ANO4: variants seen among roughly 807,000 people sequenced by gnomAD.
ANO4 encodes anoctamin-4.
In ANO4, 69 loss-of-function variants were observed where a neutral mutation model predicts 141.9. The observed-to-expected ratio is 0.49, with a 90% CI of 0.40 to 0.59. The LOEUF is 0.59. Among genes scored for constraint, ANO4 ranks in the 20% least tolerant of loss-of-function variants. The pLI is 0.00. For missense variants in ANO4, 894 were observed against 1,162.2 expected, an observed-to-expected ratio of 0.77 and a Z score of 3.36; for synonymous variants, 350 against 394.3, an observed-to-expected ratio of 0.89 and a Z score of 1.33.
chr12:100,727,460 C>T (rs1002408377), intron 1 of ANO4, among the ~76,000 whole-genome samples: 2 of 152,082 alleles, frequency 1.3e-5, no homozygotes, highest in African/African-American at 4.8e-5. Flanking sequence ...TGTCTTAAAG[C>T]CTTTTTCCTA....
chr12:100,894,463 G>A lies in ANO4; in HGVS notation c.-140-7183G>A, dbSNP rs368764767. Among the ~76,000 whole-genome samples the A allele has an allele frequency of 2.7e-4, 41 of 152,118 alleles. No homozygotes were observed. The South Asian group carries it at 6.9e-3, about 25-fold the overall frequency. On this transcript the variant is annotated intron_variant, in intron 1 of 27. Transcript: ENST00000392977. The stretch of plus-strand genomic sequence containing the variant: ...CTACTTTCAGTTACCCACCAATTCT[G>A]ATGCTCAAAGCCCCTCCAAACCTGT...
At position 100,928,178 on chromosome 12, in the gene ANO4, C is replaced by T. The variant is rs774275835; in HGVS notation, c.160+5848C>T. Among the ~76,000 whole-genome samples the T allele has an allele frequency of 1.8e-3, 208 of 117,690 alleles. 1 individual carries two copies. Among genetic ancestry groups the T allele is most frequent in the African/African-American group, 5.7e-3 (192 of 33,456 alleles). The allele number at this position is 117,690 out of a possible 152,430, so 77.2% of individuals were successfully genotyped here. ...GCAGGGTATGGGGTATGGGGGTGAG[C>T]GGGGCCGGGGGGGCTGGCATATATT... On this transcript the variant is annotated intron_variant, in intron 3 of 27. Transcript: ENST00000392977.
rs993619712 is a variant in ANO4 at position 100,919,732 on chromosome 12, G to C, written c.56-2494G>C. Among the ~76,000 whole-genome samples, 459 of 112,000 alleles carry C rather than the reference G, an allele frequency of 4.1e-3. 4 individuals carry two copies. The highest frequency in any genetic ancestry group is 0.014 in the African/African-American group (436 of 31,682). 73.5% of individuals were successfully genotyped at this position (112,000 alleles called of 152,430 possible). A position where few individuals can be genotyped will look rare whatever the true frequency, so the allele number is the denominator to read the frequency against. The stretch of plus-strand genomic sequence containing the variant: ...TGTATGTATGTATGTATGTGTGTAT[G>C]TATGTATCTATCTATCTATCTATCT... On this transcript the variant is annotated intron_variant, in intron 2 of 27. Coordinates refer to ENST00000392977, the MANE Select transcript of ANO4 (RefSeq NM_001286615.2).
Position 100,815,081 on chromosome 12 carries a change from A to G in ANO4, c.-141+20054A>G, listed in dbSNP as rs987539726. ...GGAGAAACAGAGAGAGAGAGAGGGC[A>G]TGAGCAAGTGCATAAGTGATGGTGG... is the stretch of plus-strand genomic sequence containing the variant. On this transcript the variant is annotated intron_variant, in intron 1 of 27. Coordinates refer to ENST00000392977, the MANE Select transcript of ANO4 (RefSeq NM_001286615.2). Among the ~76,000 whole-genome samples the G allele has an allele frequency of 3.3e-5, 5 of 152,256 alleles. No individual in the cohort carries two copies. In the East Asian group the frequency reaches 7.7e-4, roughly 24 times the overall value.
chr12:100,932,826 G>A (rs538667782), intron 3 of ANO4, among the ~76,000 whole-genome samples: 10 of 151,890 alleles, frequency 6.6e-5, no homozygotes, highest in African/African-American at 1.9e-4. Flanking sequence ...CTGATTTTTC[G>A]TCTCCCAGGC....
intron 1 of ANO4, among the ~76,000 whole-genome samples, chr12:100,732,697 C>T (rs994737715): frequency 6.6e-6 from 1 of 152,118 alleles, no homozygotes; most frequent in Non-Finnish European, 1.5e-5. Context: ...TGCAATGTTT[C>T]ATAAACAATT....
At chr12:100,775,243 C>T (rs1222138883) in intron 3 of ANO4, among the ~76,000 whole-genome samples, 6 of 152,110 alleles carry the variant, frequency 3.9e-5, no homozygotes, top group South Asian at 2.1e-4. Context: ...ATTTTTTCAT[C>T]CCCAAAGGAG....
chr12:100,944,836 C>A (rs1369633150), intron 5 of ANO4, among the ~76,000 whole-genome samples: 1 of 152,096 alleles, frequency 6.6e-6, no homozygotes, highest in African/African-American at 2.4e-5. Flanking sequence ...AAACCTTCAT[C>A]CTTTATTCTC....
chr12:100,913,158 TAC>T (rs1359137961), intron 2 of ANO4, among the ~76,000 whole-genome samples: 2 of 152,162 alleles, frequency 1.3e-5, no homozygotes, highest in Non-Finnish European at 2.9e-5. Flanking sequence ...GAGGGACATA[TAC>T]ACACACATTT....
chr12:100,980,631 A>G (rs2044417117), intron 7 of ANO4, among the ~76,000 whole-genome samples: 1 of 152,248 alleles, frequency 6.6e-6, no homozygotes, highest in Non-Finnish European at 1.5e-5. Flanking sequence ...TTCCCTAAGA[A>G]TAAATGAATT....
chr12:100,755,001 A>T (rs746056526), intron 3 of ANO4, among the ~76,000 whole-genome samples: 1 of 152,202 alleles, frequency 6.6e-6, no homozygotes, highest in Non-Finnish European at 1.5e-5. Flanking sequence ...GTTGTACATT[A>T]TGAATGTACT....
chr12:100,801,633 G>T (rs1463912832), intron 1 of ANO4, among the ~76,000 whole-genome samples: 2 of 151,400 alleles, frequency 1.3e-5, no homozygotes, highest in African/African-American at 4.9e-5. Flanking sequence ...CTGTATACTT[G>T]CAGATAAGGC....
chr12:101,081,290 TC>T (rs2136871122), intron 15 of ANO4, among the ~76,000 whole-genome samples: 1 of 152,270 alleles, frequency 6.6e-6, no homozygotes, highest in Non-Finnish European at 1.5e-5. Flanking sequence ...GACTAAATTT[TC>T]CCCTTCTATC....
intron 11 of ANO4, 145 bp downstream of exon 11, chr12:101,040,221 A>C: frequency 6.7e-5 from 69 of 1,022,550 alleles, no homozygotes; most frequent in Non-Finnish European, 8.4e-5. Context: ...GAGGAAACTC[A>C]TCTGAGGACA....
At chr12:101,100,493 AATG>A (rs1381439575) in intron 22 of ANO4, among the ~76,000 whole-genome samples, 1 of 152,202 alleles carries the variant, frequency 6.6e-6, no homozygotes, top group Admixed American at 6.6e-5. Flanking sequence ...AGAATGGAAG[AATG>A]ATATAACCTA....
rs1222030758 is a variant in ANO4, at chr12:101,010,394, T to C, written c.735-9640T>C. Among the ~76,000 whole-genome samples, 12 of 152,332 alleles carry C rather than the reference T, an allele frequency of 7.9e-5. No individual in the cohort carries two copies. In the South Asian group the frequency reaches 8.3e-4, roughly 11 times the overall value. On this transcript the variant is annotated intron_variant, in intron 8 of 27. Transcript: ENST00000392977. ...ATAAGGAAAATGACTCACAGTCCTTTACATTTCAGTAACCTGTCATCCTGA... is the reference window on the plus strand; with the variant it reads ...ATAAGGAAAATGACTCACAGTCCTTCACATTTCAGTAACCTGTCATCCTGA...
rs139039880 is a variant in ANO4 at position 100,847,628 on chromosome 12, C to T, written c.-141+52601C>T. Among the ~76,000 whole-genome samples, 553 of 152,178 alleles carry T rather than the reference C, an allele frequency of 3.6e-3. 2 individuals carry two copies. Among genetic ancestry groups the T allele is most frequent in the Non-Finnish European group, 5.8e-3 (395 of 67,984 alleles). ...CTGGGACTACAGGTGCCCACCACCA[C>T]GCCTGGCTAATTTTTTGTATTTTTA... is the stretch of plus-strand genomic sequence containing the variant. On this transcript the variant is annotated intron_variant, in intron 1 of 27. Coordinates refer to ENST00000392977, the MANE Select transcript of ANO4 (RefSeq NM_001286615.2).
intron 5 of ANO4, among the ~76,000 whole-genome samples, chr12:100,967,605 A>G (rs2043735535): frequency 1.4e-5 from 2 of 141,612 alleles, no homozygotes; most frequent in Non-Finnish European, 3.1e-5. Flanking sequence ...ACACACACAC[A>G]CAGAGGACTC....
rs928419210 is a variant in ANO4 at position 100,746,979 on chromosome 12, G to A, written c.358+6874G>A. 4.6e-5 allele frequency among the ~76,000 whole-genome samples: 7 copies of A among 152,240 alleles called. No individual in the cohort carries two copies. In the East Asian group the frequency reaches 5.8e-4, roughly 13 times the overall value. ...ATACCAGTTTCTCAACCTTGGTGCC[G>A]TGGACATTTTGGGCTGAATAATTCT... On this transcript the variant is annotated intron_variant, in intron 3 of 29. Transcript: ENST00000644049.
Sources: gnomAD v4.1 joint callset for allele counts (sites outside exome capture counted in the v4.1 genomes callset) on GRCh38, gnomAD v4.1.1 for gene constraint, MANE v1.5 for transcripts, NCBI Gene and HGNC (gene_info 2026-07-23, HGNC 2026-07-21) for gene names.